Variants in PEA15 observed in about 807,000 individuals in gnomAD.
PEA15 encodes the protein astrocytic phosphoprotein PEA-15.
For synonymous variants in PEA15, 60 were observed against 61.8 expected (o/e 0.97, Z 0.13); for missense variants, 77 against 161.3 (o/e 0.48, Z 2.83).
At position 160,213,487 on chromosome 1, in the gene PEA15, G is replaced by C; in HGVS notation, c.*1G>C. ...GGCTCCCCCACCGAAGAAGGCCTGA[G>C]CAAGGGGGAGGAAGAGGAGGAAGGT... On this transcript the variant is annotated 3_prime_UTR_variant, in exon 4 of 4. Transcript: ENST00000360472. The surrounding 1 kb of genome is among the most constrained non-coding windows in gnomAD (Gnocchi z 5.3). The C allele has an allele frequency of 6.2e-7, 1 of 1,613,756 alleles. No homozygotes were observed. The highest frequency in any genetic ancestry group is 8.5e-7 in the Non-Finnish European group (1 of 1,179,724).
At chr1:160,209,855 G>A (rs561555137) in intron 1 of PEA15, among the ~76,000 whole-genome samples, 5 of 152,354 alleles carry the variant, frequency 3.3e-5, no homozygotes, top group Middle Eastern at 3.4e-3. Context: ...GCTTGCTGCT[G>A]TGACCTAGAT....
At position 160,214,328 on chromosome 1, in the gene PEA15, C is replaced by T. The variant is rs746275942; in HGVS notation, c.*842C>T. 26 of 152,626 alleles carry T rather than the reference C, an allele frequency of 1.7e-4. No individual in the cohort carries two copies. The highest frequency in any genetic ancestry group is 2.1e-4 in the Non-Finnish European group (14 of 68,076). 9.5% of individuals were successfully genotyped at this position (152,626 alleles called of 1,614,324 possible). On this transcript the variant is annotated 3_prime_UTR_variant, in exon 4 of 4. Transcript: ENST00000360472. ...GACACCACCATCTATAGGGTCCCAACTTGGTTATTGTAGGCAACCTTCCCT... is the reference window on the plus strand; with the variant it reads ...GACACCACCATCTATAGGGTCCCAATTTGGTTATTGTAGGCAACCTTCCCT...
rs1296552536 is a variant in PEA15 at position 160,214,552 on chromosome 1, T to G, written c.*1066T>G. 2 of 152,660 alleles carry G rather than the reference T, an allele frequency of 1.3e-5. No homozygotes were observed. Among genetic ancestry groups the G allele is most frequent in the Non-Finnish European group, 2.9e-5 (2 of 68,098 alleles). 9.5% of individuals were successfully genotyped at this position (152,660 alleles called of 1,614,324 possible). A position where few individuals can be genotyped will look rare whatever the true frequency, so the allele number is the denominator to read the frequency against. ...CAGTGAGTGACCCCAGCCTCCTGCC[T>G]ACCCCAAGATGCCCCTCCCCACCCT... On this transcript the variant is annotated 3_prime_UTR_variant, in exon 4 of 4. Transcript: ENST00000360472.
Position 160,205,401 on chromosome 1 carries a change from A to AGGCGGCGGCGGCGGCAGAAGCGGC in PEA15, c.-109_-86dup. 5.5e-6 allele frequency: 1 copy of AGGCGGCGGCGGCGGCAGAAGCGGC among 182,362 alleles called. No individual in the cohort carries two copies. The highest frequency in any genetic ancestry group is 1.1e-5 in the Non-Finnish European group (1 of 92,762). The allele number at this position is 182,362 out of a possible 1,614,324, so 11.3% of individuals were successfully genotyped here. A position where few individuals can be genotyped will look rare whatever the true frequency, so the allele number is the denominator to read the frequency against. ...CGGGCTCCGGCTCCGCGGGCGGAAGAGGCGGCGGCGGCGGCAGAAGCGGCG... is the reference window on the plus strand; with the variant it reads ...CGGGCTCCGGCTCCGCGGGCGGAAGAGGCGGCGGCGGCGGCAGAAGCGGCGGCGGCGGCGGCGGCAGAAGCGGCG... On this transcript the variant is annotated 5_prime_UTR_variant, in exon 1 of 4. Transcript: ENST00000360472. This position sits in a 1 kb window ranked among gnomAD's most constrained non-coding sequence, Gnocchi z 5.9.
At position 160,215,146 on chromosome 1, in the gene PEA15, G is replaced by C. The variant is rs868385352; in HGVS notation, c.*1660G>C. ...CATTTGGGATATGTTACATTAGAGT[G>C]AGAGAGAGAATAAGGAGCCTTTCTT... On this transcript the variant is annotated 3_prime_UTR_variant, in exon 4 of 4. Transcript: ENST00000360472. 6.6e-6 allele frequency: 1 copy of C among 152,588 alleles called. No homozygotes were observed. The highest frequency in any genetic ancestry group is 1.5e-5 in the Non-Finnish European group (1 of 68,040). 9.5% of individuals were successfully genotyped at this position (152,588 alleles called of 1,614,324 possible).
rs992615070 is a variant in PEA15 at position 160,208,883 on chromosome 1, C to T, written c.-2-2660C>T. On this transcript the variant is annotated intron_variant, in intron 1 of 3. Transcript: ENST00000360472. The surrounding 1 kb of genome is among the most constrained non-coding windows in gnomAD (Gnocchi z 4.1). ...CTCCCATCTAGTGGTGTCATCCTAA[C>T]GACTGGGGGTGGGGGGCACCCAGAA... 32 of 550,000 alleles carry T rather than the reference C, an allele frequency of 5.8e-5. No homozygotes were observed. The highest frequency in any genetic ancestry group is 8.4e-5 in the Non-Finnish European group (26 of 307,822). The allele number at this position is 550,000 out of a possible 1,614,324, so 34.1% of individuals were successfully genotyped here. A position where few individuals can be genotyped will look rare whatever the true frequency, so the allele number is the denominator to read the frequency against.
Position 160,213,612 on chromosome 1 carries a change from CTGTGCGCGTGTG to C in PEA15, c.*133_*144del. 1.7e-6 allele frequency: 1 copy of C among 598,416 alleles called. No homozygotes were observed. Among genetic ancestry groups the C allele is most frequent in the Non-Finnish European group, 2.9e-6 (1 of 341,380 alleles). The allele number at this position is 598,416 out of a possible 1,614,324, so 37.1% of individuals were successfully genotyped here. A position where few individuals can be genotyped will look rare whatever the true frequency, so the allele number is the denominator to read the frequency against. On this transcript the variant is annotated 3_prime_UTR_variant, in exon 4 of 4. Transcript: ENST00000360472. The surrounding 1 kb of genome is among the most constrained non-coding windows in gnomAD (Gnocchi z 5.3). ...TACTAACCTGGTCCTAACCCCCTTA[CTGTGCGCGTGTG>C]TGTGCGTGTGCGCACGCTCTGGCTG...
In PEA15 at chr1:160,213,708, T is replaced by TG; in HGVS notation, c.*222_*223insG. ...TCTTAAGGGGATGGGGGTCAGGGGC[T>TG]AGGGGAGGGGGCTGAGTTTCCCCAC... is the stretch of plus-strand genomic sequence containing the variant. On this transcript the variant is annotated 3_prime_UTR_variant, in exon 4 of 4. Coordinates refer to ENST00000360472, the MANE Select transcript of PEA15 (RefSeq NM_003768.5). This position sits in a 1 kb window ranked among gnomAD's most constrained non-coding sequence, Gnocchi z 5.3. The TG allele has an allele frequency of 3.6e-6, 1 of 278,728 alleles. No homozygotes were observed. The highest frequency in any genetic ancestry group is 7.0e-6 in the Non-Finnish European group (1 of 143,004). The allele number at this position is 278,728 out of a possible 1,614,324, so 17.3% of individuals were successfully genotyped here.
rs1317536107 is a variant in PEA15, at chr1:160,214,779, AC to A, written c.*1294del. 1.3e-5 allele frequency: 2 copies of A among 152,606 alleles called. No homozygotes were observed. Among genetic ancestry groups the A allele is most frequent in the African/African-American group, 4.8e-5 (2 of 41,446 alleles). 9.5% of individuals were successfully genotyped at this position (152,606 alleles called of 1,614,324 possible). A position where few individuals can be genotyped will look rare whatever the true frequency, so the allele number is the denominator to read the frequency against. The stretch of plus-strand genomic sequence containing the variant: ...ACAAAAAAGAAGGCTTTTTCAAAAA[AC>A]ATTAAATTCACATGCAGTCTCAGAG... On this transcript the variant is annotated 3_prime_UTR_variant, in exon 4 of 4. Coordinates refer to ENST00000360472, the MANE Select transcript of PEA15 (RefSeq NM_003768.5).
intron 1 of PEA15, among the ~76,000 whole-genome samples, chr1:160,207,868 G>C (rs975266034): frequency 6.6e-6 from 1 of 152,172 alleles, no homozygotes; most frequent in African/African-American, 2.4e-5. Flanking sequence ...TCCAACTTCA[G>C]GCAGAAGACT....
rs1248148306 is a variant in PEA15 at position 160,213,589 on chromosome 1, C to G, written c.*103C>G. 1 of 963,766 alleles carries G rather than the reference C, an allele frequency of 1.0e-6. No homozygotes were observed. Among genetic ancestry groups the G allele is most frequent in the Non-Finnish European group, 1.6e-6 (1 of 606,138 alleles). The allele number at this position is 963,766 out of a possible 1,614,324, so 59.7% of individuals were successfully genotyped here. A position where few individuals can be genotyped will look rare whatever the true frequency, so the allele number is the denominator to read the frequency against. Reference sequence around the variant, plus strand: ...GGGCAACCCACCATCTACCCACTTACTAACCTGGTCCTAACCCCCTTACTG... The same window carrying G: ...GGGCAACCCACCATCTACCCACTTAGTAACCTGGTCCTAACCCCCTTACTG... On this transcript the variant is annotated 3_prime_UTR_variant, in exon 4 of 4. Coordinates refer to ENST00000360472, the MANE Select transcript of PEA15 (RefSeq NM_003768.5). The surrounding 1 kb of genome is among the most constrained non-coding windows in gnomAD (Gnocchi z 5.3).
rs751417409 is a variant in PEA15, at chr1:160,211,731, C to T, written c.172+15C>T. On this transcript the variant is annotated intron_variant, in intron 2 of 3. Transcript: ENST00000360472. ...GCTGGACAAAGGTGGGGGAGGGGAG[C>T]ACAGGGGTCCTGTCATCAGTCATTC... 15 of 1,609,076 alleles carry T rather than the reference C, an allele frequency of 9.3e-6. No individual in the cohort carries two copies. The highest frequency in any genetic ancestry group is 1.3e-5 in the Non-Finnish European group (15 of 1,176,926).
chr1:160,206,904 G>T (rs767896312), intron 1 of PEA15, among the ~76,000 whole-genome samples: 7 of 152,188 alleles, frequency 4.6e-5, no homozygotes, highest in South Asian at 2.1e-4. Context: ...AATTGCCAGT[G>T]ATGCCCTAGG....
rs1014707704 is a variant in PEA15 at position 160,215,134 on chromosome 1, T to C, written c.*1648T>C. On this transcript the variant is annotated 3_prime_UTR_variant, in exon 4 of 4. Transcript: ENST00000360472. The stretch of plus-strand genomic sequence containing the variant: ...GAACTGTCCTTCCATTTGGGATATG[T>C]TACATTAGAGTGAGAGAGAGAATAA... The C allele has an allele frequency of 1.2e-4, 18 of 152,640 alleles. No individual in the cohort carries two copies. Among genetic ancestry groups the C allele is most frequent in the African/African-American group, 4.3e-4 (18 of 41,452 alleles). The allele number at this position is 152,640 out of a possible 1,614,324, so 9.5% of individuals were successfully genotyped here. A position where few individuals can be genotyped will look rare whatever the true frequency, so the allele number is the denominator to read the frequency against.
intron 1 of PEA15, among the ~76,000 whole-genome samples, chr1:160,210,700 G>C (rs1347465409): frequency 6.6e-6 from 1 of 152,228 alleles, no homozygotes; most frequent in African/African-American, 2.4e-5. Flanking sequence ...CGCATCTAAA[G>C]TCCCCTCCCC....
intron 1 of PEA15, chr1:160,206,151 A>G (rs1053405204): frequency 2.0e-5 from 3 of 152,472 alleles, no homozygotes; most frequent in Non-Finnish European, 4.4e-5. Flanking sequence ...CACATAGTCT[A>G]GCACACTCCA....
In PEA15 at chr1:160,208,666, G is replaced by A; in HGVS notation, c.-2-2877G>A. ...CCATGGCCAGGCCAGACCAGCCCAG[G>A]TACAACTGTTGATCAGTGAGAATTG... On this transcript the variant is annotated intron_variant, in intron 1 of 3. Transcript: ENST00000360472. The surrounding 1 kb of genome is among the most constrained non-coding windows in gnomAD (Gnocchi z 4.1). The A allele has an allele frequency of 1.3e-6, 2 of 1,549,956 alleles. No individual in the cohort carries two copies. Among genetic ancestry groups the A allele is most frequent in the Non-Finnish European group, 1.7e-6 (2 of 1,146,472 alleles).
At position 160,208,764 on chromosome 1, in the gene PEA15, A is replaced by G. The variant is rs1654717147; in HGVS notation, c.-2-2779A>G. On this transcript the variant is annotated intron_variant, in intron 1 of 3. Transcript: ENST00000360472. The surrounding 1 kb of genome is among the most constrained non-coding windows in gnomAD (Gnocchi z 4.1). ...AAGGCCTAGGCAAATGGATCTCTCC[A>G]AGAAGGGAGGCAACTGGGCTGCCTT... The G allele has an allele frequency of 1.9e-6, 2 of 1,067,480 alleles. No homozygotes were observed. Among genetic ancestry groups the G allele is most frequent in the African/African-American group, 3.1e-5 (2 of 63,656 alleles). 66.1% of individuals were successfully genotyped at this position (1,067,480 alleles called of 1,614,324 possible).
chr1:160,213,684 C>T lies in PEA15; in HGVS notation c.*198C>T. 1.2e-4 allele frequency: 34 copies of T among 287,832 alleles called. No individual in the cohort carries two copies. Among genetic ancestry groups the T allele is most frequent in the South Asian group, 2.2e-4 (8 of 35,760 alleles). The allele number at this position is 287,832 out of a possible 1,614,324, so 17.8% of individuals were successfully genotyped here. A position where few individuals can be genotyped will look rare whatever the true frequency, so the allele number is the denominator to read the frequency against. On this transcript the variant is annotated 3_prime_UTR_variant, in exon 4 of 4. Transcript: ENST00000360472. The surrounding 1 kb of genome is among the most constrained non-coding windows in gnomAD (Gnocchi z 5.3). The stretch of plus-strand genomic sequence containing the variant: ...ATGTCTAGCTCATCTAGTTCCTCTT[C>T]TTAAGGGGATGGGGGTCAGGGGCTA...
Sources: allele counts gnomAD v4.1 joint callset (sites outside exome capture counted in the v4.1 genomes callset), GRCh38; gene constraint gnomAD v4.1.1; non-coding constraint Gnocchi (gnomAD v3.1); transcripts MANE v1.5; gene names NCBI Gene and HGNC (gene_info 2026-07-23, HGNC 2026-07-21).